CHD9: variants seen among roughly 807,000 people sequenced by gnomAD.
CHD9 encodes chromodomain helicase DNA binding protein 9, also known as ATP-dependent chromatin remodeler CHD9.
A neutral mutation model predicts 316.1 loss-of-function variants in CHD9; 77 were observed. The ratio of observed to expected loss-of-function variants is 0.24; its 90% CI spans 0.20 to 0.29. The LOEUF is 0.29. Ranked by LOEUF, CHD9 falls within the 10% of genes least tolerant of loss-of-function variation. The pLI, the probability that CHD9 is intolerant of heterozygous loss-of-function variation, is 1.00. For missense variants in CHD9, 2,763 were observed against 3,438.1 expected (o/e 0.80, Z 4.91); for synonymous variants, 1,129 against 1,158.3 (o/e 0.97, Z 0.51).
chr16:53,246,954 T>C (rs765362944), intron 15 of CHD9, among the ~76,000 whole-genome samples: 2 of 152,240 alleles, frequency 1.3e-5, no homozygotes, highest in African/African-American at 4.8e-5. Context: ...TTTAAAAATA[T>C]ATGTGTTTAC....
At chr16:53,252,406 A>T (rs972893095) in intron 17 of CHD9, among the ~76,000 whole-genome samples, 12 of 152,218 alleles carry the variant, frequency 7.9e-5, no homozygotes, top group South Asian at 2.1e-4. Context: ...TCAACTCAAG[A>T]TGCATTAAGG....
At chr16:53,071,425 G>T (rs2034037781) in intron 1 of CHD9, among the ~76,000 whole-genome samples, 1 of 152,134 alleles carries the variant, frequency 6.6e-6, no homozygotes. Context: ...TTTCAAAAAT[G>T]TGAGCCCCTA....
At chr16:53,254,922 G>A (rs1405508871) in intron 18 of CHD9, among the ~76,000 whole-genome samples, 1 of 152,190 alleles carries the variant, frequency 6.6e-6, no homozygotes, top group South Asian at 2.1e-4. Flanking sequence ...TTTTTTTAGT[G>A]TCAATCTACT....
At chr16:53,228,154 C>A (rs1024671945) in intron 7 of CHD9, among the ~76,000 whole-genome samples, 1 of 151,800 alleles carries the variant, frequency 6.6e-6, no homozygotes, top group Admixed American at 6.6e-5. Context: ...ATGCAGGAAT[C>A]TTTATAAAAT....
chr16:53,201,335 A>G (rs2045436894), intron 2 of CHD9, among the ~76,000 whole-genome samples: 1 of 152,230 alleles, frequency 6.6e-6, no homozygotes, highest in African/African-American at 2.4e-5. Flanking sequence ...TAGATCATGT[A>G]TGACCTTTTT....
chr16:53,097,352 CTCCCTTCCTT>C (rs2036461670), intron 1 of CHD9, among the ~76,000 whole-genome samples: 1 of 131,172 alleles, frequency 7.6e-6, no homozygotes, highest in Admixed American at 8.1e-5. Flanking sequence ...TAACCTCGCT[CTCCCTTCCTT>C]CCTTCCTTCC....
chr16:53,094,142 C>A lies in CHD9; in HGVS notation c.-165+39065C>A, dbSNP rs574094773. Among the ~76,000 whole-genome samples, 4 of 152,330 alleles carry A rather than the reference C, an allele frequency of 2.6e-5. No homozygotes were observed. The East Asian group carries it at 7.7e-4, about 29-fold the overall frequency. ...CTGAGAGCACTTCCCCTTGGGTTCC[C>A]CGCAGAGCAGGAGAGAAGGTGTCTA... On this transcript the variant is annotated intron_variant, in intron 1 of 38. Coordinates refer to ENST00000447540, the MANE Select transcript of CHD9 (RefSeq NM_001308319.2).
At chr16:53,114,450 GT>G (rs1263326291) in intron 1 of CHD9, among the ~76,000 whole-genome samples, 1 of 152,076 alleles carries the variant, frequency 6.6e-6, no homozygotes, top group Non-Finnish European at 1.5e-5. Flanking sequence ...TAGAGACGAG[GT>G]TTTGCCGTAT....
chr16:53,061,940 G>A (rs909384326), intron 1 of CHD9, among the ~76,000 whole-genome samples: 2 of 152,198 alleles, frequency 1.3e-5, no homozygotes, highest in Non-Finnish European at 2.9e-5. Flanking sequence ...GGCACAGAGA[G>A]AGACATGGTA....
chr16:53,118,172 C>T (rs982483647), intron 1 of CHD9, among the ~76,000 whole-genome samples: 7 of 152,120 alleles, frequency 4.6e-5, no homozygotes, highest in Admixed American at 3.9e-4. Context: ...GAAATCTCCC[C>T]TTGGGAGGCG....
chr16:53,077,355 G>A (rs1304222147), intron 1 of CHD9, among the ~76,000 whole-genome samples: 1 of 144,516 alleles, frequency 6.9e-6, no homozygotes, highest in African/African-American at 2.6e-5. Context: ...ATGGGGTCTC[G>A]CTCTGTCGCC....
In CHD9 at chr16:53,107,459, C is replaced by CAAAATAAAATAAAATAAAAT. The variant is rs56705665; in HGVS notation, c.-164-48453_-164-48434dup. Among the ~76,000 whole-genome samples the CAAAATAAAATAAAATAAAAT allele has an allele frequency of 4.9e-3, 636 of 129,820 alleles. 4 individuals carry two copies. The highest frequency in any genetic ancestry group is 0.011 in the Middle Eastern group (3 of 266). The allele number at this position is 129,820 out of a possible 152,430, so 85.2% of individuals were successfully genotyped here. A position where few individuals can be genotyped will look rare whatever the true frequency, so the allele number is the denominator to read the frequency against. On this transcript the variant is annotated intron_variant, in intron 1 of 38. Coordinates refer to ENST00000447540, the MANE Select transcript of CHD9 (RefSeq NM_001308319.2). ...TGGGCAACAGAGTGACACTCCATCT[C>CAAAATAAAATAAAATAAAAT]AAAATAAAATAAAATAAAATAAAAT... is the stretch of plus-strand genomic sequence containing the variant.
chr16:53,151,786 T>C (rs1405384581), intron 1 of CHD9, among the ~76,000 whole-genome samples: 2 of 152,204 alleles, frequency 1.3e-5, no homozygotes, highest in Non-Finnish European at 2.9e-5. Context: ...TTTATTCATA[T>C]GCTGTTTTCC....
In CHD9 at chr16:53,324,824, G is replaced by A; in HGVS notation, c.8623G>A (p.Ala2875Thr). The change falls in exon 39 of 39, where the codon GCT (alanine) becomes ACT (threonine). Residue 2875 changes from alanine to threonine, a missense_variant. Ala to Thr is a moderately conservative substitution (Grantham distance 58). Coordinates refer to ENST00000447540, the MANE Select transcript of CHD9 (RefSeq NM_001308319.2). The stretch of plus-strand genomic sequence containing the variant: ...CAGCACAGATGAGGGTTCAGAGAAA[G>A]CTGATGCTTCATCTGGATCTGATAG... ...ENSTDEGSEKADASSGSDSTS... is the reference protein window; with the variant it reads ...ENSTDEGSEKTDASSGSDSTS... 1 of 1,612,464 alleles carries A rather than the reference G, an allele frequency of 6.2e-7. No homozygotes were observed. The highest frequency in any genetic ancestry group is 8.5e-7 in the Non-Finnish European group (1 of 1,179,242).
At chr16:53,165,716 A>AAGAATTTGCTGTAGTT (rs11269789) in intron 2 of CHD9, among the ~76,000 whole-genome samples, 47,145 of 151,846 alleles carry the variant, frequency 0.31, 7,478 homozygotes, top group Middle Eastern at 0.39. Flanking sequence ...AACTAAAGCA[A>AAGAATTTGCTGTAGTT]TGCTCACACC....
At chr16:53,234,999 A>G (rs2048501223) in intron 10 of CHD9, 186 bp from the exon 11 acceptor site, 1 of 430,414 alleles carries the variant, frequency 2.3e-6, no homozygotes, top group Non-Finnish European at 4.0e-6. Context: ...CAGGAAATAT[A>G]CCTTCCTCTT....
chr16:53,095,670 C>G (rs940520013), intron 1 of CHD9, among the ~76,000 whole-genome samples: 1 of 152,200 alleles, frequency 6.6e-6, no homozygotes, highest in Non-Finnish European at 1.5e-5. Flanking sequence ...CATTCAGCTA[C>G]GGTCCACTTG....
chr16:53,068,408 C>T (rs151123186), intron 1 of CHD9, among the ~76,000 whole-genome samples: 5 of 152,162 alleles, frequency 3.3e-5, no homozygotes, highest in East Asian at 1.9e-4. Flanking sequence ...TCTTCCCCGC[C>T]GATCCAGCAT....
At position 53,304,530 on chromosome 16, in the gene CHD9, C is replaced by A. The variant is rs2055743402; in HGVS notation, c.6524C>A (p.Ser2175Tyr). Residue 2175 changes from serine to tyrosine, a missense_variant, in exon 31 of 39, where the codon TCT (serine) becomes TAT (tyrosine). Coordinates refer to ENST00000447540, the MANE Select transcript of CHD9 (RefSeq NM_001308319.2). The part of the protein sequence containing the change: ...SSSSSSCSSA[S>Y]SSSSSSTSSS... ...TCATCTTCATCTTGTTCTTCAGCAT[C>A]TTCTTCATCCTCTTCCTCCACCTCT... 2.6e-6 allele frequency: 4 copies of A among 1,546,734 alleles called. No homozygotes were observed. Among genetic ancestry groups the A allele is most frequent in the Non-Finnish European group, 3.5e-6 (4 of 1,142,370 alleles).
Sources: gnomAD v4.1 joint callset for allele counts (sites outside exome capture counted in the v4.1 genomes callset) on GRCh38, gnomAD v4.1.1 for gene constraint, MANE v1.5 for transcripts, NCBI Gene and HGNC (gene_info 2026-07-23, HGNC 2026-07-21) for gene names.